HCRTR2: variants seen among roughly 807,000 people sequenced by gnomAD.
HCRTR2 encodes hypocretin receptor 2.
Under a neutral mutation model 49.0 loss-of-function variants are expected in HCRTR2, and 22 were observed. That is an observed-to-expected ratio of 0.45 (90% CI 0.32 to 0.64). HCRTR2 has a LOEUF of 0.64. HCRTR2 is among the 30% of genes least tolerant of loss of function. The pLI, the probability that HCRTR2 is intolerant of heterozygous loss-of-function variation, is 0.04. For missense variants in HCRTR2, 491 were observed against 559.4 expected (o/e 0.88, Z 1.23); for synonymous variants, 236 against 205.3 (o/e 1.15, Z -1.28).
At chr6:55,149,207 A>C (rs1194106438) in intron 1 of HCRTR2, among the ~76,000 whole-genome samples, 2 of 152,006 alleles carry the variant, frequency 1.3e-5, no homozygotes, top group Admixed American at 1.3e-4. Flanking sequence ...AACCAAATAC[A>C]GTTTTGTTTT....
chr6:55,186,063 C>T (rs1765211917), intron 1 of HCRTR2, among the ~76,000 whole-genome samples: 1 of 152,150 alleles, frequency 6.6e-6, no homozygotes, highest in Admixed American at 6.5e-5. Flanking sequence ...AATTGATTAC[C>T]ATTTCAAATT....
intron 5 of HCRTR2, among the ~76,000 whole-genome samples, chr6:55,278,041 A>G (rs1767113273): frequency 6.6e-6 from 1 of 152,204 alleles, no homozygotes; most frequent in Admixed American, 6.5e-5. Context: ...TAGTATTCTA[A>G]TTATACTTAA....
At chr6:55,178,905 G>T (rs1336547262) in intron 1 of HCRTR2, among the ~76,000 whole-genome samples, 1 of 152,152 alleles carries the variant, frequency 6.6e-6, no homozygotes, top group African/African-American at 2.4e-5. Flanking sequence ...TTAATAGGTT[G>T]TTGATAGGCA....
chr6:55,231,789 G>A (rs1316589771), intron 1 of HCRTR2, among the ~76,000 whole-genome samples: 1 of 152,128 alleles, frequency 6.6e-6, no homozygotes. Context: ...TTTAATAAAT[G>A]CTGTATCAAT....
At chr6:55,266,810 T>G (rs552790332) in intron 4 of HCRTR2, among the ~76,000 whole-genome samples, 25 of 152,272 alleles carry the variant, frequency 1.6e-4, no homozygotes, top group African/African-American at 4.6e-4. Context: ...GTTAAATGAA[T>G]GAGTGACACC....
chr6:55,195,502 C>A (rs1401439580), intron 1 of HCRTR2, among the ~76,000 whole-genome samples: 3 of 152,214 alleles, frequency 2.0e-5, no homozygotes, highest in Non-Finnish European at 4.4e-5. Context: ...AGGAATTGAT[C>A]CAGTTTTTGG....
chr6:55,218,971 G>A (rs1016115078), intron 1 of HCRTR2, among the ~76,000 whole-genome samples: 1 of 152,072 alleles, frequency 6.6e-6, no homozygotes, highest in Admixed American at 6.6e-5. Flanking sequence ...CTGCAGACAT[G>A]CAACACCATA....
chr6:55,218,469 A>T (rs1027055429), intron 1 of HCRTR2, among the ~76,000 whole-genome samples: 3 of 152,218 alleles, frequency 2.0e-5, no homozygotes, highest in Admixed American at 2.0e-4. Flanking sequence ...AGATTAGCTG[A>T]CTGGATTTAA....
At chr6:55,230,555 C>T (rs917480403) in intron 1 of HCRTR2, among the ~76,000 whole-genome samples, 4 of 152,152 alleles carry the variant, frequency 2.6e-5, no homozygotes, top group Non-Finnish European at 5.9e-5. Flanking sequence ...AGACATTTTT[C>T]ACTGTCACCT....
At chr6:55,225,171 A>C (rs892329448) in intron 1 of HCRTR2, among the ~76,000 whole-genome samples, 1 of 152,202 alleles carries the variant, frequency 6.6e-6, no homozygotes, top group Non-Finnish European at 1.5e-5. Flanking sequence ...AATGTAGATA[A>C]ATGAAAGAAA....
intron 1 of HCRTR2, among the ~76,000 whole-genome samples, chr6:55,192,628 C>T (rs528054585): frequency 6.6e-6 from 1 of 152,078 alleles, no homozygotes; most frequent in Non-Finnish European, 1.5e-5. Flanking sequence ...ATCTAGATCC[C>T]AAATTTTTGT....
intron 1 of HCRTR2, among the ~76,000 whole-genome samples, chr6:55,153,161 G>A (rs749288282): frequency 1.3e-5 from 2 of 151,924 alleles, no homozygotes; most frequent in Admixed American, 1.3e-4. Context: ...AAGAACAGTT[G>A]TCTGTAAATT....
chr6:55,166,188 G>A (rs937598183), intron 1 of HCRTR2, among the ~76,000 whole-genome samples: 3 of 152,072 alleles, frequency 2.0e-5, no homozygotes, highest in South Asian at 2.1e-4. Context: ...CTTGATCATG[G>A]TGTATTATCT....
chr6:55,237,821 T>C (rs1489653058), intron 1 of HCRTR2, among the ~76,000 whole-genome samples: 1 of 152,220 alleles, frequency 6.6e-6, no homozygotes, highest in Non-Finnish European at 1.5e-5. Flanking sequence ...ATGTATACTT[T>C]CGTACTACAA....
At chr6:55,274,254 T>TAATGAA (rs1398094788) in intron 4 of HCRTR2, among the ~76,000 whole-genome samples, 3,722 of 134,684 alleles carry the variant, frequency 0.028, 240 homozygotes, top group Admixed American at 0.059. Context: ...TATATATATA[T>TAATGAA]ATAATGAAAT....
At chr6:55,203,068 T>C (rs1196108413) in intron 1 of HCRTR2, among the ~76,000 whole-genome samples, 2 of 152,172 alleles carry the variant, frequency 1.3e-5, no homozygotes, top group African/African-American at 4.8e-5. Flanking sequence ...TCTTCCAGTT[T>C]TACCGTTACA....
chr6:55,106,669 C>T (rs1196978291), intron 1 of HCRTR2: 1 of 152,030 alleles, frequency 6.6e-6, no homozygotes, highest in African/African-American at 2.4e-5. Context: ...TTATTAAAGA[C>T]AATTTATTAA....
Position 55,274,728 on chromosome 6 carries a change from G to A in HCRTR2, c.763-2652G>A, listed in dbSNP as rs139337465. On this transcript the variant is annotated intron_variant, in intron 4 of 6. Coordinates refer to ENST00000370862, the MANE Select transcript of HCRTR2 (RefSeq NM_001384272.1). ...AATGGTATTATCCTATTTATATATT[G>A]CAGGATTTAATTTGATAACATATTT... is the stretch of plus-strand genomic sequence containing the variant. Among the ~76,000 whole-genome samples the A allele has an allele frequency of 1.2e-3, 180 of 152,174 alleles. 1 individual carries two copies. The highest frequency in any genetic ancestry group is 6.8e-3 in the Middle Eastern group (2 of 294).
At chr6:55,267,601 A>G (rs991149598) in intron 4 of HCRTR2, among the ~76,000 whole-genome samples, 1 of 152,090 alleles carries the variant, frequency 6.6e-6, no homozygotes, top group African/African-American at 2.4e-5. Context: ...TTTATTTCAC[A>G]TTTATTAAGC....
Sources: gnomAD v4.1 joint callset for allele counts (sites outside exome capture counted in the v4.1 genomes callset) on GRCh38, gnomAD v4.1.1 for gene constraint, MANE v1.5 for transcripts, NCBI Gene and HGNC (gene_info 2026-07-23, HGNC 2026-07-21) for gene names.